The following NCALD variants were observed in gnomAD, a reference collection of about 807,000 sequenced individuals.
The protein encoded by NCALD is neurocalcin delta.
A neutral mutation model predicts 18.6 loss-of-function variants in NCALD; 10 were observed. The ratio of observed to expected loss-of-function variants is 0.54; its 90% CI spans 0.33 to 0.91. NCALD has a LOEUF of 0.91. Among genes scored for constraint, NCALD ranks in the 40% least tolerant of loss-of-function variants. NCALD has a pLI of 0.03. For synonymous variants in NCALD, 88 were observed against 87.4 expected (o/e 1.01, Z -0.04); for missense variants, 184 against 247.6 (o/e 0.74, Z 1.72).
intron 2 of NCALD, among the ~76,000 whole-genome samples, chr8:101,984,573 G>A (rs575475183): frequency 6.6e-5 from 10 of 152,136 alleles, no homozygotes; most frequent in Non-Finnish European, 1.0e-4. Context: ...ACTGAAACAC[G>A]TTCTTTCCAT....
At chr8:102,100,335 T>C (rs1351789709) in intron 1 of NCALD, among the ~76,000 whole-genome samples, 2 of 152,240 alleles carry the variant, frequency 1.3e-5, no homozygotes, top group African/African-American at 4.8e-5. Context: ...CCAGATTCTT[T>C]TATTAATGTG....
At chr8:101,766,918 A>G (rs1362802184) in intron 1 of NCALD, among the ~76,000 whole-genome samples, 2 of 152,260 alleles carry the variant, frequency 1.3e-5, no homozygotes, top group African/African-American at 4.8e-5. Flanking sequence ...ATACATACAC[A>G]TAATATACAC....
intron 1 of NCALD, among the ~76,000 whole-genome samples, chr8:101,749,180 A>G (rs1184835370): frequency 6.6e-6 from 1 of 152,198 alleles, no homozygotes; most frequent in African/African-American, 2.4e-5. Context: ...CCTTAACATA[A>G]TTACATTAGC....
intron 1 of NCALD, among the ~76,000 whole-genome samples, chr8:102,095,390 A>T (rs1825058530): frequency 6.6e-6 from 1 of 152,180 alleles, no homozygotes. Context: ...GATCTAAAGA[A>T]CTGAACACCT....
At chr8:101,890,912 G>A (rs748548201) in intron 3 of NCALD, among the ~76,000 whole-genome samples, 4 of 152,234 alleles carry the variant, frequency 2.6e-5, no homozygotes, top group Non-Finnish European at 5.9e-5. Context: ...ATCAACAAGA[G>A]AACAAGGAAA....
intron 2 of NCALD, among the ~76,000 whole-genome samples, chr8:102,014,702 C>T (rs1238725323): frequency 6.6e-6 from 1 of 152,066 alleles, no homozygotes; most frequent in Non-Finnish European, 1.5e-5. Context: ...CTATACCCCC[C>T]ACCCCACCAG....
intron 2 of NCALD, among the ~76,000 whole-genome samples, chr8:101,716,685 C>A (rs1461953041): frequency 6.6e-6 from 1 of 152,162 alleles, no homozygotes; most frequent in Non-Finnish European, 1.5e-5. Flanking sequence ...GTCCCTGAAA[C>A]CTGTGAATAC....
At chr8:102,013,989 A>G (rs1362926567) in intron 2 of NCALD, among the ~76,000 whole-genome samples, 1 of 152,232 alleles carries the variant, frequency 6.6e-6, no homozygotes, top group Non-Finnish European at 1.5e-5. Context: ...AGCTTGTCAG[A>G]GGAATGGGTC....
At chr8:101,887,295 G>A (rs1024262890) in intron 3 of NCALD, 6 of 152,166 alleles carry the variant, frequency 3.9e-5, no homozygotes, top group African/African-American at 1.4e-4. Context: ...GTTTTGGTGA[G>A]ACTGTCACTT....
At chr8:101,811,631 G>A (rs774403386) in intron 4 of NCALD, among the ~76,000 whole-genome samples, 4 of 152,182 alleles carry the variant, frequency 2.6e-5, no homozygotes, top group South Asian at 2.1e-4. Context: ...CACTTAAAAC[G>A]GTAATAGGGA....
intron 1 of NCALD, among the ~76,000 whole-genome samples, chr8:102,048,694 T>C (rs1354199900): frequency 6.6e-6 from 1 of 152,240 alleles, no homozygotes; most frequent in Non-Finnish European, 1.5e-5. Context: ...CGAATTTGTT[T>C]GTGGGTTTTG....
At chr8:102,100,373 A>G (rs551531199) in intron 1 of NCALD, among the ~76,000 whole-genome samples, 1 of 152,214 alleles carries the variant, frequency 6.6e-6, no homozygotes, top group South Asian at 2.1e-4. Context: ...TCCCACAGCA[A>G]CTACTTTTAA....
chr8:101,742,676 G>A (rs1215157608), intron 1 of NCALD, among the ~76,000 whole-genome samples: 1 of 151,810 alleles, frequency 6.6e-6, no homozygotes, highest in East Asian at 1.9e-4. Context: ...TTTTTTTTAA[G>A]TTTAGGTTCC....
At chr8:101,915,269 C>G (rs926658722) in intron 3 of NCALD, among the ~76,000 whole-genome samples, 1 of 152,182 alleles carries the variant, frequency 6.6e-6, no homozygotes, top group African/African-American at 2.4e-5. Flanking sequence ...GGAGCTAACT[C>G]CTACATTGCC....
intron 3 of NCALD, among the ~76,000 whole-genome samples, chr8:101,895,516 C>A (rs1817126447): frequency 6.6e-6 from 1 of 151,024 alleles, no homozygotes; most frequent in Non-Finnish European, 1.5e-5. Flanking sequence ...CTGGCCAGGG[C>A]AATTAGGCAG....
At chr8:101,866,964 C>G (rs1401729038) in intron 4 of NCALD, among the ~76,000 whole-genome samples, 1 of 152,074 alleles carries the variant, frequency 6.6e-6, no homozygotes. Flanking sequence ...CCTTAAGAAC[C>G]CTCTATGCTC....
Position 102,098,623 on chromosome 8 carries a change from G to A in NCALD, c.-210+25614C>T, listed in dbSNP as rs527420977. Reference sequence around the variant, plus strand: ...TAATTGAGCAACTTTGGTAGGCCTCGTGTCATTCACCCTAAAAGAAACAAG... The same window carrying A: ...TAATTGAGCAACTTTGGTAGGCCTCATGTCATTCACCCTAAAAGAAACAAG... On this transcript the variant is annotated intron_variant, in intron 1 of 6. Coordinates refer to the NCALD transcript ENST00000311028. 5.8e-4 allele frequency among the ~76,000 whole-genome samples: 89 copies of A among 152,296 alleles called. 1 individual carries two copies. Among genetic ancestry groups the A allele is most frequent in the African/African-American group, 2.1e-3 (87 of 41,556 alleles).
chr8:101,732,137 G>A (rs562679563), intron 1 of NCALD, among the ~76,000 whole-genome samples: 3 of 152,214 alleles, frequency 2.0e-5, no homozygotes, highest in Non-Finnish European at 4.4e-5. Context: ...ACCTTACTCT[G>A]GGAAACTTCT....
intron 3 of NCALD, among the ~76,000 whole-genome samples, chr8:101,912,484 C>G (rs975029694): frequency 6.6e-6 from 1 of 152,258 alleles, no homozygotes; most frequent in Admixed American, 6.5e-5. Context: ...TCTGACTCCT[C>G]CATCTTCAGA....
Sources: gnomAD v4.1 joint callset for allele counts (sites outside exome capture counted in the v4.1 genomes callset) on GRCh38, gnomAD v4.1.1 for gene constraint, MANE v1.5 for transcripts, NCBI Gene and HGNC (gene_info 2026-07-23, HGNC 2026-07-21) for gene names.